The following CIT variants were observed in gnomAD, a reference collection of about 807,000 sequenced individuals.
CIT encodes citron Rho-interacting kinase.
In CIT, 79 loss-of-function variants were observed where a neutral mutation model predicts 272.7. The observed-to-expected ratio is 0.29, with a 90% CI of 0.24 to 0.35. The LOEUF is 0.35. Among genes scored for constraint, CIT ranks in the 10% least tolerant of loss-of-function variants. CIT has a pLI of 1.00. For missense variants in CIT, 1,909 were observed against 2,618.3 expected, an observed-to-expected ratio of 0.73 and a Z score of 5.91; for synonymous variants, 948 against 995.6, an observed-to-expected ratio of 0.95 and a Z score of 0.90.
At chr12:119,725,684 T>C (rs1462055736) in intron 28 of CIT, among the ~76,000 whole-genome samples, 1 of 152,178 alleles carries the variant, frequency 6.6e-6, no homozygotes, top group Admixed American at 6.5e-5. Context: ...AATGTTCTCA[T>C]GTAGGTTAGA....
intron 24 of CIT, among the ~76,000 whole-genome samples, chr12:119,741,254 C>G (rs931548627): frequency 6.6e-6 from 1 of 152,130 alleles, no homozygotes; most frequent in Admixed American, 6.5e-5. Flanking sequence ...AGAGCACATC[C>G]TCTGTGATTC....
chr12:119,739,622 G>C (rs571472026), intron 24 of CIT, among the ~76,000 whole-genome samples: 1 of 152,148 alleles, frequency 6.6e-6, no homozygotes, highest in Non-Finnish European at 1.5e-5. Flanking sequence ...TAGCAGCAGA[G>C]CCATTTTCCA....
chr12:119,857,323 G>C (rs921629029), intron 4 of CIT, among the ~76,000 whole-genome samples, 200 bp downstream of exon 4: 1 of 152,222 alleles, frequency 6.6e-6, no homozygotes, highest in African/African-American at 2.4e-5. Context: ...AGAGGAATTT[G>C]TGAGCCTTCA....
intron 5 of CIT, among the ~76,000 whole-genome samples, chr12:119,844,847 A>G (rs1257296860): frequency 6.6e-6 from 1 of 152,182 alleles, no homozygotes; most frequent in African/African-American, 2.4e-5. Context: ...TAGGCTGGGC[A>G]CGGTGGCTCA....
intron 7 of CIT, among the ~76,000 whole-genome samples, chr12:119,832,257 G>A (rs1021518513): frequency 1.3e-5 from 2 of 152,028 alleles, no homozygotes; most frequent in Non-Finnish European, 2.9e-5. Context: ...CTACCCTCCT[G>A]CCGTCCTACT....
At chr12:119,750,436 G>A (rs577100719) in intron 23 of CIT, among the ~76,000 whole-genome samples, 15 of 152,288 alleles carry the variant, frequency 9.8e-5, no homozygotes, top group Admixed American at 7.8e-4. Flanking sequence ...TGTGAAACAA[G>A]ACAGTATACA....
chr12:119,803,129 A>AC (rs1332541030), intron 10 of CIT, 77 bp downstream of exon 10: 48 of 57,060 alleles, frequency 8.4e-4, no homozygotes, highest in African/African-American at 1.7e-3. Flanking sequence ...CTATTCCCCC[A>AC]CCCCCCCACC....
intron 3 of CIT, among the ~76,000 whole-genome samples, chr12:119,862,841 GAAAAAACCAAAA>G (rs1950393986): frequency 1.8e-5 from 1 of 56,664 alleles, no homozygotes; most frequent in Non-Finnish European, 3.2e-5. Flanking sequence ...AAAAAAAAAA[GAAAAAACCAAAA>G]AAAAAAACGA....
At chr12:119,711,549 G>C (rs1355547467) in intron 37 of CIT, among the ~76,000 whole-genome samples, 1 of 152,212 alleles carries the variant, frequency 6.6e-6, no homozygotes, top group African/African-American at 2.4e-5. Context: ...AAACTCATTT[G>C]AGTAAACAGG....
At chr12:119,720,650 T>A in intron 29 of CIT, 65 bp from the exon 30 acceptor site, 1 of 1,208,134 alleles carries the variant, frequency 8.3e-7, no homozygotes, top group Non-Finnish European at 1.2e-6. Flanking sequence ...AGTTGGTACT[T>A]TAAGAAACTA....
At chr12:119,742,359 C>T (rs996563824) in intron 24 of CIT, 52 bp downstream of exon 24, 3 of 1,336,408 alleles carry the variant, frequency 2.2e-6, no homozygotes, top group East Asian at 4.9e-5. Flanking sequence ...CCTTTTCCTC[C>T]TCTGTTTTAG....
rs947348570 is a variant in CIT at position 119,718,392 on chromosome 12, T to C, written c.4021A>G (p.Thr1341Ala). ...AREEAAHRKA[T>A]DHPHPSTPAT... ...GGCGTGGATGGGTGTGGGTGGTCCGTTGCTTTGCGGTGGGCAGCTGCAGAG... is the reference window on the plus strand; with the variant it reads ...GGCGTGGATGGGTGTGGGTGGTCCGCTGCTTTGCGGTGGGCAGCTGCAGAG... The change falls in exon 32 of 48, where the codon ACG becomes GCG. Residue 1341 changes from threonine (T) to alanine (A), a missense_variant. Physicochemically the swap from Thr to Ala is moderately conservative, Grantham distance 58. This residue lies in a region of CIT where 780 missense variants were observed against 1,067.2 expected (regional missense o/e 0.73). Transcript: ENST00000392521. The surrounding 1 kb of genome is among the most constrained non-coding windows in gnomAD (Gnocchi z 4.8). 3 of 1,612,914 alleles carry C rather than the reference T, an allele frequency of 1.9e-6. No individual in the cohort carries two copies. The Admixed American group carries it at 5.0e-5, about 27-fold the overall frequency.
chr12:119,758,173 T>C (rs929655646), intron 21 of CIT, among the ~76,000 whole-genome samples: 2 of 152,154 alleles, frequency 1.3e-5, no homozygotes, highest in African/African-American at 4.8e-5. Context: ...CTCAAAGTGC[T>C]CCTGGAACAC....
chr12:119,851,203 GC>G (rs1970202247), intron 4 of CIT, among the ~76,000 whole-genome samples: 1 of 152,160 alleles, frequency 6.6e-6, no homozygotes, highest in East Asian at 1.9e-4. Flanking sequence ...AAAGGCATAA[GC>G]CACTGTGCCC....
In CIT at chr12:119,782,516, A is replaced by T; in HGVS notation, c.1665+2T>A. 6.2e-7 allele frequency: 1 copy of T among 1,613,738 alleles called. No individual in the cohort carries two copies. The highest frequency in any genetic ancestry group is 8.5e-7 in the Non-Finnish European group (1 of 1,179,890). ...GCTGTGCTCCCAGGCAAGCAGGCCT[A>T]CCTGCTCTTTGATTTCTTGGAGCTT... On this transcript the variant is annotated splice_donor_variant, in intron 13 of 47. Coordinates refer to ENST00000392521, the MANE Select transcript of CIT (RefSeq NM_001206999.2). LOFTEE classifies it high-confidence loss of function.
chr12:119,732,404 G>A (rs1474683111), intron 26 of CIT, among the ~76,000 whole-genome samples: 1 of 151,970 alleles, frequency 6.6e-6, no homozygotes, highest in Non-Finnish European at 1.5e-5. Flanking sequence ...CCTAAAAACA[G>A]CTAGGATAGG....
intron 23 of CIT, among the ~76,000 whole-genome samples, chr12:119,749,182 C>A (rs149776745): frequency 1.1e-3 from 169 of 152,340 alleles, no homozygotes; most frequent in African/African-American, 3.2e-3. Context: ...GGAGGCCAAA[C>A]AAGGTAACTG....
intron 18 of CIT, among the ~76,000 whole-genome samples, chr12:119,767,496 A>G (rs921514909): frequency 6.6e-6 from 1 of 152,260 alleles, no homozygotes; most frequent in African/African-American, 2.4e-5. Context: ...TAACAAGGCA[A>G]CACTGGAAAG....
Position 119,712,766 on chromosome 12 carries a change from C to A in CIT, c.4580-71G>T. ...ACAAGAACAAGGGGAGAAGAGAGAG[C>A]GAGAGAGACAGCAAGGGAGAGAGAG... On this transcript the variant is annotated intron_variant, in intron 35 of 47. Coordinates refer to ENST00000392521, the MANE Select transcript of CIT (RefSeq NM_001206999.2). The surrounding 1 kb of genome is among the most constrained non-coding windows in gnomAD (Gnocchi z 5.2). 3 of 1,273,474 alleles carry A rather than the reference C, an allele frequency of 2.4e-6. No individual in the cohort carries two copies. The highest frequency in any genetic ancestry group is 2.3e-6 in the Non-Finnish European group (2 of 878,416). 78.9% of individuals were successfully genotyped at this position (1,273,474 alleles called of 1,614,324 possible).
Sources: gnomAD v4.1 joint callset for allele counts (sites outside exome capture counted in the v4.1 genomes callset) on GRCh38, gnomAD v4.1.1 for gene constraint, gnomAD v4.1.1 regional missense constraint, Gnocchi (gnomAD v3.1) non-coding constraint, MANE v1.5 for transcripts, NCBI Gene and HGNC (gene_info 2026-07-23, HGNC 2026-07-21) for gene names.